Variants in KIAA1958 observed in about 807,000 individuals in gnomAD.
The protein encoded by KIAA1958 is uncharacterized protein KIAA1958.
KIAA1958 carries 14 observed loss-of-function variants against 47.2 expected under a neutral mutation model. The observed-to-expected ratio is 0.30, with a 90% confidence interval of 0.20 to 0.46. The LOEUF is 0.46. Ranked by LOEUF, KIAA1958 falls within the 20% of genes least tolerant of loss-of-function variation. KIAA1958 has a pLI of 1.00. For missense variants in KIAA1958, 803 were observed against 909.2 expected, an observed-to-expected ratio of 0.88 and a Z score of 1.50; for synonymous variants, 354 against 353.3, an observed-to-expected ratio of 1.00 and a Z score of -0.02.
At chr9:112,654,693 CAAAA>C (rs35961310) in intron 3 of KIAA1958, among the ~76,000 whole-genome samples, 28 of 111,798 alleles carry the variant, frequency 2.5e-4, no homozygotes, top group Non-Finnish European at 4.4e-4. Flanking sequence ...CATAAAAATC[CAAAA>C]AAAAAAAAAA....
At position 112,660,353 on chromosome 9, in the gene KIAA1958, T is replaced by C. The variant is rs1837255809; in HGVS notation, c.*284T>C. 1 of 398,224 alleles carries C rather than the reference T, an allele frequency of 2.5e-6. No individual in the cohort carries two copies. The highest frequency in any genetic ancestry group is 4.5e-6 in the Non-Finnish European group (1 of 221,276). The allele number at this position is 398,224 out of a possible 1,614,324, so 24.7% of individuals were successfully genotyped here. ...TACATACAAGAGTGAGGAAATTCAT[T>C]TTCTCTAGTGCCTTTCTAGCACAGG... On this transcript the variant is annotated 3_prime_UTR_variant, in exon 4 of 4. Transcript: ENST00000337530.
chr9:112,563,286 G>A (rs1187058030), intron 1 of KIAA1958, among the ~76,000 whole-genome samples: 1 of 151,964 alleles, frequency 6.6e-6, no homozygotes, highest in East Asian at 1.9e-4. Context: ...TTCGTGATTG[G>A]AATTGCATCA....
chr9:112,515,118 T>G (rs574796667), intron 1 of KIAA1958, among the ~76,000 whole-genome samples: 5,082 of 6,110 alleles, frequency 0.83, 2,239 homozygotes, highest in Middle Eastern at 1. Flanking sequence ...CAGCCGCCCC[T>G]TCCGGGAGGT....
chr9:112,594,182 G>A (rs1835976167), intron 2 of KIAA1958, among the ~76,000 whole-genome samples: 1 of 152,172 alleles, frequency 6.6e-6, no homozygotes, highest in South Asian at 2.1e-4. Context: ...ACTTTTAAAT[G>A]TAGTATAGTT....
intron 2 of KIAA1958, among the ~76,000 whole-genome samples, chr9:112,584,757 T>C (rs1418472383): frequency 6.6e-6 from 1 of 152,248 alleles, no homozygotes; most frequent in African/African-American, 2.4e-5. Context: ...TTTATTTTAC[T>C]GATGGAAATG....
intron 1 of KIAA1958, among the ~76,000 whole-genome samples, chr9:112,536,746 G>T (rs1231317237): frequency 1.3e-5 from 2 of 152,068 alleles, no homozygotes; most frequent in East Asian, 3.9e-4. Context: ...GAGCCACTGC[G>T]CTCCAGCCTG....
Position 112,575,215 on chromosome 9 carries a change from GC to G in KIAA1958, c.1137del (p.Ile380Ter). On this transcript the variant is annotated frameshift_variant, in exon 2 of 4. Coordinates refer to ENST00000337530, the MANE Select transcript of KIAA1958 (RefSeq NM_133465.4). LOFTEE classifies it high-confidence loss of function. ...TCAGCAGCAGCCCCCAGTCGCTCCA[GC>G]CATAACCACTGAGGCCACAGCACAG... is the stretch of plus-strand genomic sequence containing the variant. ...SSQQQPPVAP[A>X]ITTEATAQCI... is the part of the protein sequence containing the mutation. The G allele has an allele frequency of 1.3e-6, 2 of 1,573,894 alleles. No homozygotes were observed. Among genetic ancestry groups the G allele is most frequent in the Non-Finnish European group, 1.7e-6 (2 of 1,167,330 alleles).
chr9:112,542,598 G>A (rs1261284293), intron 1 of KIAA1958, among the ~76,000 whole-genome samples: 1 of 152,288 alleles, frequency 6.6e-6, no homozygotes, highest in East Asian at 1.9e-4. Flanking sequence ...TCTTCGAAAA[G>A]TGAAAAAGTA....
At position 112,666,664 on chromosome 9, in the gene KIAA1958, G is replaced by C. The variant is rs1588060271; in HGVS notation, c.*6595G>C. ...TTTATGAGGCATATGGAGGTAGCTT[G>C]GGGCAAAAGTTTCCAAGTAGCTCAA... On this transcript the variant is annotated 3_prime_UTR_variant, in exon 4 of 4. Transcript: ENST00000337530. The C allele has an allele frequency of 1.3e-5, 2 of 152,272 alleles. No individual in the cohort carries two copies. The highest frequency in any genetic ancestry group is 1.3e-4 in the Admixed American group (2 of 15,292). 9.4% of individuals were successfully genotyped at this position (152,272 alleles called of 1,614,324 possible).
rs1299255287 is a variant in KIAA1958 at position 112,522,002 on chromosome 9, G to T, written c.-25+34884G>T. Among the ~76,000 whole-genome samples, 5 of 101,948 alleles carry T rather than the reference G, an allele frequency of 4.9e-5. 1 individual carries two copies. Among genetic ancestry groups the T allele is most frequent in the Admixed American group, 2.9e-4 (3 of 10,288 alleles). 66.9% of individuals were successfully genotyped at this position (101,948 alleles called of 152,430 possible). A position where few individuals can be genotyped will look rare whatever the true frequency, so the allele number is the denominator to read the frequency against. On this transcript the variant is annotated intron_variant, in intron 1 of 3. Transcript: ENST00000337530. The stretch of plus-strand genomic sequence containing the variant: ...ATTTATTTATTTTGAGACGAGTTTC[G>T]CTCTTGTTACCCAGGCTGGAGTGCA...
rs1207172239 is a variant in KIAA1958 at position 112,610,106 on chromosome 9, C to CT, written c.1171+34856dup. Among the ~76,000 whole-genome samples, 4 of 151,914 alleles carry CT rather than the reference C, an allele frequency of 2.6e-5. No homozygotes were observed. The East Asian group carries it at 7.7e-4, about 29-fold the overall frequency. On this transcript the variant is annotated intron_variant, in intron 2 of 3. Transcript: ENST00000337530. The stretch of plus-strand genomic sequence containing the variant: ...CCTACCTCCTGGAAATGTTATAACA[C>CT]TAAATTTTTTTTTGATTCAAAAGTT...
At chr9:112,637,101 T>G (rs989040153) in intron 2 of KIAA1958, among the ~76,000 whole-genome samples, 1 of 152,204 alleles carries the variant, frequency 6.6e-6, no homozygotes, top group Non-Finnish European at 1.5e-5. Flanking sequence ...CAAGAACTTT[T>G]CAAAACTAGC....
At chr9:112,616,378 T>C (rs62575199) in intron 2 of KIAA1958, among the ~76,000 whole-genome samples, 1,698 of 152,350 alleles carry the variant, frequency 0.011, 10 homozygotes, top group South Asian at 0.019. Context: ...CATTTTAAAA[T>C]AGCATGGCTA....
chr9:112,574,206 GA>G lies in KIAA1958; in HGVS notation c.128del (p.Asn43ThrfsTer2). On this transcript the variant is annotated frameshift_variant, in exon 2 of 4. Transcript: ENST00000337530. LOFTEE classifies it high-confidence loss of function. ...ACTTGCTTTCTGAAGGTTCCCATGGGAACCTGACAGCAATGTGGGGCTGTAG... is the reference window on the plus strand; with the variant it reads ...ACTTGCTTTCTGAAGGTTCCCATGGGACCTGACAGCAATGTGGGGCTGTAG... ...KHLLSEGSHG[N>X]LTAMWGCSAG... The G allele has an allele frequency of 6.2e-7, 1 of 1,614,126 alleles. No individual in the cohort carries two copies. Among genetic ancestry groups the G allele is most frequent in the Non-Finnish European group, 8.5e-7 (1 of 1,180,000 alleles).
chr9:112,522,557 C>G (rs1193385915), intron 1 of KIAA1958, among the ~76,000 whole-genome samples: 1 of 152,168 alleles, frequency 6.6e-6, no homozygotes, highest in African/African-American at 2.4e-5. Flanking sequence ...CCATGATTCT[C>G]TCCTCCTTGG....
At chr9:112,615,164 G>A (rs1037898245) in intron 2 of KIAA1958, among the ~76,000 whole-genome samples, 29 of 152,138 alleles carry the variant, frequency 1.9e-4, no homozygotes, top group African/African-American at 7.0e-4. Context: ...GCTCATGCCT[G>A]TAATCCCAGC....
chr9:112,516,657 G>C (rs1466141913), intron 1 of KIAA1958, among the ~76,000 whole-genome samples: 1 of 152,178 alleles, frequency 6.6e-6, no homozygotes, highest in Non-Finnish European at 1.5e-5. Flanking sequence ...ACATTTAAAA[G>C]AGAATAAAGT....
chr9:112,537,768 G>A (rs1013684050), intron 1 of KIAA1958, among the ~76,000 whole-genome samples: 2 of 152,188 alleles, frequency 1.3e-5, no homozygotes, highest in East Asian at 3.8e-4. Flanking sequence ...CTGTATCCAG[G>A]CCACTCTCAA....
chr9:112,603,567 C>T (rs1423078785), intron 2 of KIAA1958, among the ~76,000 whole-genome samples: 5 of 151,984 alleles, frequency 3.3e-5, no homozygotes, highest in Non-Finnish European at 5.9e-5. Flanking sequence ...CTCTATTTGA[C>T]TTCTCTCTCC....
Sources: gnomAD v4.1 joint callset for allele counts (sites outside exome capture counted in the v4.1 genomes callset) on GRCh38, gnomAD v4.1.1 for gene constraint, MANE v1.5 for transcripts, NCBI Gene and HGNC (gene_info 2026-07-23, HGNC 2026-07-21) for gene names.